Variants in PARVB observed in about 807,000 individuals in gnomAD.
PARVB encodes the protein parvin beta.
A neutral mutation model predicts 47.0 loss-of-function variants in PARVB; 46 were observed. The observed-to-expected ratio is 0.98, with a 90% CI of 0.77 to 1.25. PARVB has a LOEUF of 1.25. Ranked by LOEUF, PARVB falls within the 50% of genes most tolerant of loss-of-function variation. The pLI, the probability that PARVB is intolerant of heterozygous loss-of-function variation, is 0.00. For missense variants in PARVB, 473 were observed against 471.6 expected (o/e 1.00, Z -0.03); for synonymous variants, 196 against 196.3 (o/e 1.00, Z 0.01).
chr22:44,028,189 A>G (rs2050764289), intron 1 of PARVB, among the ~76,000 whole-genome samples: 2 of 152,058 alleles, frequency 1.3e-5, no homozygotes, highest in Non-Finnish European at 1.5e-5. Context: ...ATGGATGTAG[A>G]GTGACATGGA....
intron 3 of PARVB, among the ~76,000 whole-genome samples, chr22:44,101,631 A>G (rs1330066878): frequency 1.3e-5 from 2 of 151,180 alleles, no homozygotes; most frequent in African/African-American, 4.9e-5. Flanking sequence ...GGTGCCTATA[A>G]TCCTACCTAC....
chr22:44,024,337 C>T lies in PARVB; in HGVS notation c.-3C>T, dbSNP rs1172091882. 9.3e-7 allele frequency: 1 copy of T among 1,075,162 alleles called. No individual in the cohort carries two copies. Among genetic ancestry groups the T allele is most frequent in the Non-Finnish European group, 1.1e-6 (1 of 887,972 alleles). The allele number at this position is 1,075,162 out of a possible 1,614,324, so 66.6% of individuals were successfully genotyped here. On this transcript the variant is annotated 5_prime_UTR_variant, in exon 1 of 13. Coordinates refer to ENST00000338758, the MANE Select transcript of PARVB (RefSeq NM_013327.5). ...CGCCCGCCGCCGGCCCCACGCGCGGCCCATGTCCTCCGCGCCGCGCTCGCC... is the reference window on the plus strand; with the variant it reads ...CGCCCGCCGCCGGCCCCACGCGCGGTCCATGTCCTCCGCGCCGCGCTCGCC...
chr22:44,034,008 C>T (rs367704390), intron 1 of PARVB, among the ~76,000 whole-genome samples: 2 of 151,582 alleles, frequency 1.3e-5, no homozygotes, highest in Non-Finnish European at 2.9e-5. Flanking sequence ...GGGGGAGGTC[C>T]GGGGCGGGGC....
At chr22:44,144,811 A>C (rs2053629026) in intron 8 of PARVB, 1 of 152,330 alleles carries the variant, frequency 6.6e-6, no homozygotes. Context: ...CCTAAAGACC[A>C]AAACAAAACA....
At chr22:44,157,954 C>A in intron 10 of PARVB, 28 bp from the exon 11 acceptor site, 1 of 1,560,324 alleles carries the variant, frequency 6.4e-7, no homozygotes, top group Non-Finnish European at 8.8e-7. Flanking sequence ...TTACCCTGCC[C>A]GGAAACATCA....
rs998059565 is a variant in PARVB, at chr22:44,170,587, C to T, written c.*1909C>T. 8 of 152,182 alleles carry T rather than the reference C, an allele frequency of 5.3e-5. No individual in the cohort carries two copies. Among genetic ancestry groups the T allele is most frequent in the East Asian group, 1.9e-4 (1 of 5,188 alleles). The allele number at this position is 152,182 out of a possible 1,614,324, so 9.4% of individuals were successfully genotyped here. A position where few individuals can be genotyped will look rare whatever the true frequency, so the allele number is the denominator to read the frequency against. ...CTCAGTTATGGGTTGTTCACCCCCT[C>T]GCTCACCCCAGCTCTGCAGAGAACT... On this transcript the variant is annotated 3_prime_UTR_variant, in exon 13 of 13. Coordinates refer to ENST00000338758, the MANE Select transcript of PARVB (RefSeq NM_013327.5).
At chr22:44,124,676 C>T (rs1456413675) in intron 4 of PARVB, among the ~76,000 whole-genome samples, 11 of 137,654 alleles carry the variant, frequency 8.0e-5, no homozygotes, top group South Asian at 2.4e-4. Flanking sequence ...CCCCGTGGGC[C>T]GTCCTGGAGG....
chr22:44,160,745 A>C (rs1244028502), intron 11 of PARVB, among the ~76,000 whole-genome samples: 1 of 152,124 alleles, frequency 6.6e-6, no homozygotes, highest in Non-Finnish European at 1.5e-5. Context: ...TCACTTCAAA[A>C]CCACTTACTG....
chr22:44,079,023 G>A (rs573926983), intron 1 of PARVB, among the ~76,000 whole-genome samples: 7 of 152,278 alleles, frequency 4.6e-5, no homozygotes, highest in East Asian at 3.9e-4. Context: ...CACCGCGCCC[G>A]GCCCCTGTGA....
At chr22:44,026,327 C>T (rs544512587) in intron 1 of PARVB, 506 of 985,472 alleles carry the variant, frequency 5.1e-4, no homozygotes, top group Middle Eastern at 3.1e-3. Context: ...GGCGTGGAGG[C>T]AGGAGGAGGA....
At chr22:44,064,240 G>A (rs112569406) in intron 1 of PARVB, among the ~76,000 whole-genome samples, 1,991 of 152,320 alleles carry the variant, frequency 0.013, 41 homozygotes, top group African/African-American at 0.045. Flanking sequence ...TAGTCACGCC[G>A]AAACCCAGCT....
intron 1 of PARVB, among the ~76,000 whole-genome samples, chr22:44,088,639 T>C (rs938870932): frequency 6.6e-6 from 1 of 152,018 alleles, no homozygotes; most frequent in Non-Finnish European, 1.5e-5. Flanking sequence ...GCCTGACTAA[T>C]GTTTGTATTT....
rs558546567 is a variant in PARVB, at chr22:44,168,163, T to C, written c.1019-439T>C. The C allele has an allele frequency of 8.9e-5, 15 of 167,864 alleles. 1 individual carries two copies. In the East Asian group the frequency reaches 2.2e-3, roughly 24 times the overall value. 10.4% of individuals were successfully genotyped at this position (167,864 alleles called of 1,614,324 possible). On this transcript the variant is annotated intron_variant, in intron 12 of 12. Coordinates refer to ENST00000338758, the MANE Select transcript of PARVB (RefSeq NM_013327.5). ...CACAGAGCAAGTGAAATGAACAAGG[T>C]GTCTGATTCCCAGGAAGGTTCTTGT...
intron 4 of PARVB, among the ~76,000 whole-genome samples, chr22:44,130,865 T>A (rs2053292798): frequency 6.6e-6 from 1 of 152,144 alleles, no homozygotes; most frequent in Non-Finnish European, 1.5e-5. Flanking sequence ...TCTTCCCTTT[T>A]CAATCTGGCG....
Position 44,151,518 on chromosome 22 carries a change from G to A in PARVB, c.810G>A (p.Lys270=). ...CTTTTGTGAACAAGCACCTGAACAA[G>A]CTGAATTTGGAGGTGACGGAACTGG... ...LITFVNKHLN[K]LNLEVTELET... The change falls in exon 10 of 13, where the codon AAG becomes AAA. Residue 270 remains lysine (K), a synonymous_variant. Coordinates refer to ENST00000338758, the MANE Select transcript of PARVB (RefSeq NM_013327.5). The A allele has an allele frequency of 1.2e-6, 2 of 1,614,000 alleles. No homozygotes were observed. Among genetic ancestry groups the A allele is most frequent in the Non-Finnish European group, 1.7e-6 (2 of 1,179,888 alleles).
chr22:44,164,816 T>G (rs1235951424), intron 12 of PARVB, among the ~76,000 whole-genome samples: 1 of 152,186 alleles, frequency 6.6e-6, no homozygotes, highest in Non-Finnish European at 1.5e-5. Flanking sequence ...CGGCGGGCTT[T>G]GTAGAGTCTC....
chr22:44,164,454 T>A (rs2054123761), intron 12 of PARVB, among the ~76,000 whole-genome samples: 1 of 147,490 alleles, frequency 6.8e-6, no homozygotes, highest in Non-Finnish European at 1.5e-5. Context: ...GAGGACTCTC[T>A]AACCTGAGTG....
At chr22:44,107,359 T>C (rs1200919382) in intron 3 of PARVB, 1 of 152,264 alleles carries the variant, frequency 6.6e-6, no homozygotes, top group African/African-American at 2.4e-5. Flanking sequence ...GCTATTCTTA[T>C]GCTTTCCAGA....
intron 6 of PARVB, among the ~76,000 whole-genome samples, chr22:44,134,503 G>C (rs1302009255): frequency 6.6e-6 from 1 of 152,226 alleles, no homozygotes; most frequent in African/African-American, 2.4e-5. Context: ...GCGGTTTGCA[G>C]AAAGTTTGAA....
Sources: allele counts gnomAD v4.1 joint callset (sites outside exome capture counted in the v4.1 genomes callset), GRCh38; gene constraint gnomAD v4.1.1; transcripts MANE v1.5; gene names NCBI Gene and HGNC (gene_info 2026-07-23, HGNC 2026-07-21).